Variants in TMC6 observed in about 807,000 individuals in gnomAD.
TMC6 encodes the protein transmembrane channel like 6, also known as transmembrane channel-like protein 6.
A neutral mutation model predicts 95.4 loss-of-function variants in TMC6; 71 were observed. The observed-to-expected ratio is 0.74, with a 90% CI of 0.61 to 0.91. The LOEUF is 0.91. Among genes scored for constraint, TMC6 ranks in the 40% least tolerant of loss-of-function variants. The pLI, the probability that TMC6 is intolerant of heterozygous loss-of-function variation, is 0.00. For synonymous variants in TMC6, 514 were observed against 483.1 expected, an observed-to-expected ratio of 1.06 and a Z score of -0.84; for missense variants, 1,074 against 1,079.1, an observed-to-expected ratio of 1.00 and a Z score of 0.07.
At position 78,119,313 on chromosome 17, in the gene TMC6, C is replaced by A. The variant is rs779095021; in HGVS notation, c.1795G>T (p.Gly599Trp). 7.0e-5 allele frequency: 113 copies of A among 1,613,920 alleles called. No individual in the cohort carries two copies. In the Middle Eastern group the frequency reaches 1.3e-3, roughly 19 times the overall value. The change falls in exon 14 of 20, where the codon GGG becomes TGG. Residue 599 changes from glycine (G) to tryptophan (W), a missense_variant. Transcript: ENST00000590602. ...IARNVLELIYGQTLTWLGVLF... is the reference protein window; with the variant it reads ...IARNVLELIYWQTLTWLGVLF... ...GACCCTCACCAGGTCAGAGTCTGCC[C>A]ATAAATCAGCTCCAGGACATTCCGG...
rs1458785435 is a variant in TMC6 at position 78,124,635 on chromosome 17, G to A, written c.780C>T (p.Ala260=). The change falls in exon 8 of 20, where the codon GCC becomes GCT. Residue 260 remains alanine (A), a synonymous_variant. Coordinates refer to ENST00000590602, the MANE Select transcript of TMC6 (RefSeq NM_001127198.5). ...AGGCCACCAGCAGCAGCAGCAGGAG[G>A]GCATTGAAAGCCAGCAGGGTCTTGA... ...LFLKTLLAFN[A]LLLLLLVAFI... is the part of the protein sequence containing the mutation. 7.4e-6 allele frequency: 12 copies of A among 1,612,138 alleles called. No homozygotes were observed. In the Admixed American group the frequency reaches 1.2e-4, roughly 16 times the overall value.
Position 78,126,921 on chromosome 17 carries a change from G to T in TMC6, c.-74-15C>A. On this transcript the variant is annotated splice_polypyrimidine_tract_variant and intron_variant, in intron 1 of 19. Transcript: ENST00000590602. ...GGAGCCCCCATCTGATGAGACAGGG[G>T]CACAGAGCCAGGGGTGGTCTTCAAC... is the stretch of plus-strand genomic sequence containing the variant. 1 of 1,487,152 alleles carries T rather than the reference G, an allele frequency of 6.7e-7. No homozygotes were observed. The highest frequency in any genetic ancestry group is 1.9e-5 in the Admixed American group (1 of 53,220). 92.1% of individuals were successfully genotyped at this position (1,487,152 alleles called of 1,614,324 possible). A position where few individuals can be genotyped will look rare whatever the true frequency, so the allele number is the denominator to read the frequency against.
chr17:78,118,393 A>G (rs2074240404), intron 15 of TMC6, among the ~76,000 whole-genome samples: 1 of 152,060 alleles, frequency 6.6e-6, no homozygotes, highest in Non-Finnish European at 1.5e-5. Flanking sequence ...ATCTCTACTA[A>G]AAATACAAAA....
upstream of TMC6, chr17:78,132,197 C>G (rs2075017747): frequency 1.5e-6 from 2 of 1,376,914 alleles, no homozygotes; most frequent in South Asian, 2.5e-5. Flanking sequence ...AAACCTCGGG[C>G]CCACGCAGCA....
rs761203959 is a variant in TMC6, at chr17:78,121,540, C to T, written c.1383+16G>A. The T allele has an allele frequency of 1.9e-6, 3 of 1,610,642 alleles. No homozygotes were observed. Among genetic ancestry groups the T allele is most frequent in the Admixed American group, 3.3e-5 (2 of 59,966 alleles). The stretch of plus-strand genomic sequence containing the variant: ...ACACGTTCCAAGCAAGGGCCAGGCT[C>T]CCCCCATCCCCGCACCTGGATCATG... On this transcript the variant is annotated intron_variant, in intron 11 of 19. Coordinates refer to ENST00000590602, the MANE Select transcript of TMC6 (RefSeq NM_001127198.5). This position sits in a 1 kb window ranked among gnomAD's most constrained non-coding sequence, Gnocchi z 5.6.
At position 78,128,450 on chromosome 17, in the gene TMC6, C is replaced by G. The variant is rs982608865; in HGVS notation, c.-75+162G>C. 6.6e-6 allele frequency among the ~76,000 whole-genome samples: 1 copy of G among 152,156 alleles called. No individual in the cohort carries two copies. Among genetic ancestry groups the G allele is most frequent in the Non-Finnish European group, 1.5e-5 (1 of 68,006 alleles). ...CTGCCGCTCCCAGCTCTGTCCGAGC[C>G]GGAGGGTCAAGCCCTGGGAGCTCCA... On this transcript the variant is annotated intron_variant, in intron 1 of 19. Coordinates refer to ENST00000590602, the MANE Select transcript of TMC6 (RefSeq NM_001127198.5). The surrounding 1 kb of genome is among the most constrained non-coding windows in gnomAD (Gnocchi z 4.0).
rs187980362 is a variant in TMC6, at chr17:78,112,658, G to A, written c.*490C>T. On this transcript the variant is annotated 3_prime_UTR_variant, in exon 20 of 20. Transcript: ENST00000590602. ...AGCATCACCCAATGGTTGACGCATC[G>A]CTCTGGTCACAATCCGTGCCTGCTC... 375 of 190,278 alleles carry A rather than the reference G, an allele frequency of 2.0e-3. 1 individual carries two copies. The highest frequency in any genetic ancestry group is 8.6e-3 in the African/African-American group (362 of 42,100). The allele number at this position is 190,278 out of a possible 1,614,324, so 11.8% of individuals were successfully genotyped here.
chr17:78,125,333 G>A (rs776073654), intron 5 of TMC6, 70 bp from the exon 6 acceptor site: 15 of 1,397,600 alleles, frequency 1.1e-5, no homozygotes, highest in Non-Finnish European at 1.4e-5. Context: ...CCGGGACCCT[G>A]GTCAGGCCTG....
rs752560268 is a variant in TMC6, at chr17:78,126,805, C to T, written c.28G>A (p.Asp10Asn). 2.0e-5 allele frequency: 32 copies of T among 1,613,066 alleles called. No homozygotes were observed. Among genetic ancestry groups the T allele is most frequent in the African/African-American group, 2.7e-5 (2 of 74,876 alleles). MAQPLAFIL[D>N]VPETPGDQGQ... is the part of the protein sequence containing the mutation. ...TGGTCCCCTGGGGTCTCAGGGACAT[C>T]GAGGATGAAGGCCAGTGGCTGGGCC... The change falls in exon 2 of 20, where the codon GAT (aspartate) becomes AAT (asparagine). Residue 10 changes from aspartate (D) to asparagine (N), a missense_variant. Physicochemically the swap from Asp to Asn is conservative, Grantham distance 23. Coordinates refer to ENST00000590602, the MANE Select transcript of TMC6 (RefSeq NM_001127198.5).
chr17:78,129,549 C>T (rs190550733), upstream of TMC6, among the ~76,000 whole-genome samples: 12 of 152,188 alleles, frequency 7.9e-5, no homozygotes, highest in African/African-American at 1.2e-4. The surrounding 1 kb of genome is among the most constrained non-coding windows in gnomAD (Gnocchi z 4.3). Flanking sequence ...TCATTCCTGG[C>T]GGGGAGAAGC....
chr17:78,121,543 C>G lies in TMC6; in HGVS notation c.1383+13G>C, dbSNP rs764510487. The stretch of plus-strand genomic sequence containing the variant: ...CGTTCCAAGCAAGGGCCAGGCTCCC[C>G]CCATCCCCGCACCTGGATCATGAAC... On this transcript the variant is annotated intron_variant, in intron 11 of 19. Coordinates refer to ENST00000590602, the MANE Select transcript of TMC6 (RefSeq NM_001127198.5). This position sits in a 1 kb window ranked among gnomAD's most constrained non-coding sequence, Gnocchi z 5.6. 1.2e-6 allele frequency: 2 copies of G among 1,610,944 alleles called. No individual in the cohort carries two copies. Among genetic ancestry groups the G allele is most frequent in the East Asian group, 4.5e-5 (2 of 44,860 alleles).
chr17:78,114,873 A>G (rs2073978882), intron 18 of TMC6, among the ~76,000 whole-genome samples: 1 of 152,010 alleles, frequency 6.6e-6, no homozygotes, highest in South Asian at 2.1e-4. Context: ...CACCACAGCC[A>G]GCATCCGCCT....
chr17:78,125,146 G>A lies in TMC6; in HGVS notation c.536+12C>T, dbSNP rs528902960. 1.2e-4 allele frequency: 192 copies of A among 1,555,584 alleles called. No homozygotes were observed. Among genetic ancestry groups the A allele is most frequent in the Admixed American group, 3.1e-4 (16 of 51,574 alleles). Reference sequence around the variant, plus strand: ...CAGCAGCGGCGGCATGGTCAGGGTCGGGGCTGCTCACCGCAGGCTGCGTTT... The same window carrying A: ...CAGCAGCGGCGGCATGGTCAGGGTCAGGGCTGCTCACCGCAGGCTGCGTTT... On this transcript the variant is annotated intron_variant, in intron 6 of 19. Coordinates refer to ENST00000590602, the MANE Select transcript of TMC6 (RefSeq NM_001127198.5).
chr17:78,113,725 T>G, intron 18 of TMC6, 101 bp from the exon 19 acceptor site: 2 of 1,206,710 alleles, frequency 1.7e-6, no homozygotes, highest in Non-Finnish European at 2.4e-6. Flanking sequence ...ACGAGGTGTA[T>G]TCAACATCGC....
chr17:78,119,704 G>A (rs1167429099), intron 13 of TMC6: 10 of 434,908 alleles, frequency 2.3e-5, no homozygotes, highest in Non-Finnish European at 3.9e-5. Flanking sequence ...ACGCAATCGT[G>A]GCTCACTGCA....
rs1297045106 is a variant in TMC6, at chr17:78,113,625, C to G, written c.2278-1G>C. 1 of 1,613,404 alleles carries G rather than the reference C, an allele frequency of 6.2e-7. No individual in the cohort carries two copies. Among genetic ancestry groups the G allele is most frequent in the Admixed American group, 1.7e-5 (1 of 60,004 alleles). On this transcript the variant is annotated splice_acceptor_variant, in intron 18 of 19. Coordinates refer to ENST00000590602, the MANE Select transcript of TMC6 (RefSeq NM_001127198.5). LOFTEE classifies it high-confidence loss of function. ...TTAAGAAGATTTTGTCCTCACCCTC[C>G]TAGAAAGGCCAGAACACAAAGGGGA...
chr17:78,117,809 C>CG lies in TMC6; in HGVS notation c.2013dup (p.Val672ArgfsTer89). On this transcript the variant is annotated frameshift_variant, in exon 16 of 20. Transcript: ENST00000590602. LOFTEE classifies it high-confidence loss of function. ...TCCACCCGCCCCACTCACTGCCAGA[C>CG]GGCGTAGCAGAGGAAGACAGCGGCG... The CG allele has an allele frequency of 6.2e-7, 1 of 1,606,922 alleles. No homozygotes were observed. Among genetic ancestry groups the CG allele is most frequent in the South Asian group, 1.1e-5 (1 of 89,906 alleles).
intron 5 of TMC6, 140 bp downstream of exon 5, chr17:78,125,586 G>T (rs2074667580): frequency 7.7e-7 from 1 of 1,306,298 alleles, no homozygotes; most frequent in South Asian, 1.4e-5. Context: ...GGACGGGGGG[G>T]CCTTCAGGCA....
chr17:78,125,343 G>A, intron 5 of TMC6, 80 bp from the exon 6 acceptor site: 2 of 1,292,848 alleles, frequency 1.5e-6, no homozygotes, highest in Non-Finnish European at 1.1e-6. Flanking sequence ...GGTCAGGCCT[G>A]TGTGTCCCTG....
Sources: allele counts gnomAD v4.1 joint callset (sites outside exome capture counted in the v4.1 genomes callset), GRCh38; gene constraint gnomAD v4.1.1; non-coding constraint Gnocchi (gnomAD v3.1); transcripts MANE v1.5; gene names NCBI Gene and HGNC (gene_info 2026-07-23, HGNC 2026-07-21).